SLC25A48: variants seen among roughly 807,000 people sequenced by gnomAD.
SLC25A48 encodes the protein solute carrier family 25 member 48, also known as CTC-321K16.1.
In SLC25A48, 29 loss-of-function variants were observed where a neutral mutation model predicts 32.2. The observed-to-expected ratio is 0.90, with a 90% confidence interval of 0.67 to 1.23. The LOEUF is 1.23. SLC25A48 is among the 50% of genes most tolerant of loss of function. The pLI, the probability that SLC25A48 is intolerant of heterozygous loss-of-function variation, is 0.00. For missense variants in SLC25A48, 399 were observed against 422.7 expected (o/e 0.94, Z 0.49); for synonymous variants, 164 against 172.3 (o/e 0.95, Z 0.38).
chr5:135,812,483 C>A (rs1216162453), intron 3 of SLC25A48: 11 of 152,172 alleles, frequency 7.2e-5, no homozygotes, highest in Non-Finnish European at 1.3e-4. Flanking sequence ...GACAGGGGCA[C>A]ACAAATTATT....
chr5:135,599,083 T>C (rs373713847), intron 1 of SLC25A48, among the ~76,000 whole-genome samples: 9 of 152,180 alleles, frequency 5.9e-5, no homozygotes, highest in African/African-American at 2.2e-4. Flanking sequence ...TCTGGGGTCG[T>C]CTTGGCCAAG....
At chr5:135,797,422 C>A (rs1042434119) in intron 3 of SLC25A48, among the ~76,000 whole-genome samples, 15 of 151,884 alleles carry the variant, frequency 9.9e-5, no homozygotes, top group African/African-American at 1.9e-4. Context: ...GGGGTGTACA[C>A]CCTTGCTGTG....
chr5:135,790,444 T>A (rs980870140), intron 3 of SLC25A48, among the ~76,000 whole-genome samples: 1 of 151,014 alleles, frequency 6.6e-6, no homozygotes, highest in Non-Finnish European at 1.5e-5. Context: ...TTTGTGTACA[T>A]CCTGTTTTAT....
chr5:135,820,132 A>G (rs1183254750), intron 4 of SLC25A48, among the ~76,000 whole-genome samples: 1 of 152,238 alleles, frequency 6.6e-6, no homozygotes, highest in East Asian at 1.9e-4. Context: ...AACCATTTCT[A>G]GCAGCACTAT....
intron 3 of SLC25A48, among the ~76,000 whole-genome samples, chr5:135,648,123 G>A (rs1207130383): frequency 1.3e-5 from 2 of 152,260 alleles, no homozygotes; most frequent in Middle Eastern, 6.8e-3. Context: ...CCCCAAATTA[G>A]TGCAGAGTTT....
At chr5:135,638,603 A>G (rs769006311) in intron 3 of SLC25A48, among the ~76,000 whole-genome samples, 1 of 152,236 alleles carries the variant, frequency 6.6e-6, no homozygotes, top group Non-Finnish European at 1.5e-5. Flanking sequence ...CATGCTACTA[A>G]AGGAAAGAGA....
intron 3 of SLC25A48, among the ~76,000 whole-genome samples, chr5:135,750,043 A>G (rs1755733628): frequency 6.6e-6 from 1 of 152,104 alleles, no homozygotes; most frequent in South Asian, 2.1e-4. Context: ...GTAAGTTCAG[A>G]TCTGTGTATC....
At chr5:135,801,117 G>T (rs1461890542) in intron 3 of SLC25A48, among the ~76,000 whole-genome samples, 1 of 151,436 alleles carries the variant, frequency 6.6e-6, no homozygotes, top group Non-Finnish European at 1.5e-5. Context: ...GTAATATCCA[G>T]GGAAGGAAGA....
At chr5:135,729,410 A>G (rs764433577) in intron 3 of SLC25A48, among the ~76,000 whole-genome samples, 68 of 152,128 alleles carry the variant, frequency 4.5e-4, no homozygotes, top group Non-Finnish European at 7.6e-4. Context: ...TTCTAGTGGA[A>G]AGACCGCAGT....
rs542540487 is a variant in SLC25A48, at chr5:135,888,408, C to T, written c.*384C>T. The T allele has an allele frequency of 6.6e-4, 171 of 259,262 alleles. No individual in the cohort carries two copies. The highest frequency in any genetic ancestry group is 1.2e-3 in the Middle Eastern group (1 of 808). 16.1% of individuals were successfully genotyped at this position (259,262 alleles called of 1,614,324 possible). On this transcript the variant is annotated 3_prime_UTR_variant, in exon 8 of 8. Transcript: ENST00000681962. Reference sequence around the variant, plus strand: ...CAGTGAGCTCTGGGCTCAGCCACTCCCTCCAGTCTCAAGTAACACGTCCCC... The same window carrying T: ...CAGTGAGCTCTGGGCTCAGCCACTCTCTCCAGTCTCAAGTAACACGTCCCC...
rs150091365 is a variant in SLC25A48 at position 135,766,890 on chromosome 5, G to A, written c.-520-45633G>A. Among the ~76,000 whole-genome samples the A allele has an allele frequency of 1.2e-4, 18 of 151,826 alleles. No individual in the cohort carries two copies. In the East Asian group the frequency reaches 3.5e-3, roughly 29 times the overall value. ...AGGGTAATATTGTTCCCAATATCAG[G>A]GGGTGTGTACACTCTCCTATGATGT... is the stretch of plus-strand genomic sequence containing the variant. On this transcript the variant is annotated intron_variant, in intron 3 of 10. Coordinates refer to the SLC25A48 transcript ENST00000646290.
chr5:135,752,213 C>A (rs551025117), intron 3 of SLC25A48, among the ~76,000 whole-genome samples: 10 of 152,164 alleles, frequency 6.6e-5, no homozygotes, highest in Non-Finnish European at 1.5e-4. Flanking sequence ...TCAAAAGACA[C>A]TTTTAAGAGA....
chr5:135,768,145 GT>G (rs1258752251), intron 3 of SLC25A48, among the ~76,000 whole-genome samples: 1 of 141,974 alleles, frequency 7.0e-6, no homozygotes, highest in Non-Finnish European at 1.6e-5. Flanking sequence ...AAATATCACA[GT>G]GGGGTGTACA....
chr5:135,691,580 G>C (rs1463354143), intron 3 of SLC25A48, among the ~76,000 whole-genome samples: 2 of 152,192 alleles, frequency 1.3e-5, no homozygotes, highest in Non-Finnish European at 2.9e-5. Flanking sequence ...GGGTATCCTG[G>C]ATGAAGGGCT....
intron 3 of SLC25A48, among the ~76,000 whole-genome samples, chr5:135,682,374 G>T (rs975994369): frequency 6.6e-6 from 1 of 152,044 alleles, no homozygotes; most frequent in Non-Finnish European, 1.5e-5. Context: ...GTCACTCTTC[G>T]TCAAGGCAAT....
chr5:135,775,301 C>G (rs750495200), intron 3 of SLC25A48, among the ~76,000 whole-genome samples: 2 of 151,544 alleles, frequency 1.3e-5, no homozygotes, highest in Non-Finnish European at 2.9e-5. Flanking sequence ...TTCTAACATA[C>G]AGGGGGGAAG....
intron 1 of SLC25A48, 42 bp downstream of exon 1, chr5:135,834,935 C>T (rs760211249): frequency 6.3e-7 from 1 of 1,582,396 alleles, no homozygotes; most frequent in Non-Finnish European, 8.6e-7. Context: ...AGAGAGCGAG[C>T]CTGGCGGAGT....
At chr5:135,739,026 G>A (rs1755442673) in intron 3 of SLC25A48, among the ~76,000 whole-genome samples, 1 of 152,154 alleles carries the variant, frequency 6.6e-6, no homozygotes, top group Admixed American at 6.5e-5. Flanking sequence ...AGGTTGCAGT[G>A]AGCCAAGATC....
chr5:135,695,446 T>C (rs1158551773), intron 3 of SLC25A48, among the ~76,000 whole-genome samples: 2 of 152,366 alleles, frequency 1.3e-5, no homozygotes, highest in Non-Finnish European at 2.9e-5. Flanking sequence ...GATCAGATAA[T>C]TGTTTTCTTT....
Sources: gnomAD v4.1 joint callset for allele counts (sites outside exome capture counted in the v4.1 genomes callset) on GRCh38, gnomAD v4.1.1 for gene constraint, MANE v1.5 for transcripts, NCBI Gene and HGNC (gene_info 2026-07-23, HGNC 2026-07-21) for gene names.